The following POFUT3 variants were observed in gnomAD, a reference collection of about 807,000 sequenced individuals.
The protein encoded by POFUT3 is GDP-fucose protein O-fucosyltransferase 3.
At chr8:33,314,946 T>C in the POFUT3 span, among the ~76,000 whole-genome samples, 2 of 152,144 alleles carry the variant, frequency 1.3e-5, no homozygotes, top group Non-Finnish European at 2.9e-5. Flanking sequence ...GATGCACAAA[T>C]TGTAATGTTC....
the POFUT3 span, among the ~76,000 whole-genome samples, chr8:33,382,588 TGGTGGCGC>T: frequency 6.6e-6 from 1 of 152,134 alleles, no homozygotes; most frequent in African/African-American, 2.4e-5. Flanking sequence ...CTGCAGAATT[TGGTGGCGC>T]ACAGAACTCT....
the POFUT3 span, among the ~76,000 whole-genome samples, chr8:33,331,832 C>G: frequency 6.6e-6 from 1 of 151,894 alleles, no homozygotes. Context: ...CCCGCCACCA[C>G]GCCCGGCTAA....
the POFUT3 span, among the ~76,000 whole-genome samples, chr8:33,396,555 C>G: frequency 2.0e-5 from 3 of 152,134 alleles, no homozygotes; most frequent in African/African-American, 7.2e-5. Context: ...CTTCTATTTT[C>G]CCTTCTCTTC....
At chr8:33,397,508 A>C in the POFUT3 span, among the ~76,000 whole-genome samples, 1 of 152,176 alleles carries the variant, frequency 6.6e-6, no homozygotes, top group African/African-American at 2.4e-5. Context: ...TATCACTGAA[A>C]ACAGAGGAGG....
chr8:33,406,670 A>G, the POFUT3 span, among the ~76,000 whole-genome samples: 2 of 151,900 alleles, frequency 1.3e-5, no homozygotes, highest in Admixed American at 6.6e-5. Context: ...CTGCGCTCAA[A>G]CAATCCTGCC....
the POFUT3 span, among the ~76,000 whole-genome samples, chr8:33,384,045 A>G: frequency 6.6e-6 from 1 of 152,098 alleles, no homozygotes; most frequent in Non-Finnish European, 1.5e-5. Flanking sequence ...TGAAACTGGT[A>G]TCTACACAGG....
chr8:33,386,325 C>A, the POFUT3 span, among the ~76,000 whole-genome samples: 1 of 152,008 alleles, frequency 6.6e-6, no homozygotes, highest in Admixed American at 6.6e-5. Flanking sequence ...GCAAGCAAAG[C>A]CTCCTAATCA....
chr8:33,356,479 A>G, the POFUT3 span, among the ~76,000 whole-genome samples: 1 of 151,230 alleles, frequency 6.6e-6, no homozygotes, highest in South Asian at 2.1e-4. Context: ...TCTTTTGAGA[A>G]GTGTCTGTTC....
the POFUT3 span, among the ~76,000 whole-genome samples, chr8:33,359,807 A>C: frequency 6.6e-6 from 1 of 151,974 alleles, no homozygotes; most frequent in Non-Finnish European, 1.5e-5. Flanking sequence ...GGAGTTTGAG[A>C]CCAGCCTGGC....
At chr8:33,354,078 G>T in the POFUT3 span, among the ~76,000 whole-genome samples, 1 of 151,852 alleles carries the variant, frequency 6.6e-6, no homozygotes, top group East Asian at 1.9e-4. Context: ...CTCACCTCCC[G>T]CCGACTTTTT....
the POFUT3 span, among the ~76,000 whole-genome samples, chr8:33,356,899 G>A: frequency 3.3e-5 from 5 of 152,116 alleles, no homozygotes; most frequent in Non-Finnish European, 5.9e-5. Flanking sequence ...TGGCTAGCCA[G>A]TTTTCCCAGC....
At chr8:33,433,550 T>C in the POFUT3 span, among the ~76,000 whole-genome samples, 1 of 151,048 alleles carries the variant, frequency 6.6e-6, no homozygotes, top group African/African-American at 2.4e-5. Flanking sequence ...AGGCAGAGTT[T>C]GCAGTGAGGG....
the POFUT3 span, among the ~76,000 whole-genome samples, chr8:33,379,834 TAA>T: frequency 2.3e-4 from 16 of 71,064 alleles, no homozygotes; most frequent in African/African-American, 9.7e-4. Context: ...AGACTCTGTC[TAA>T]AAAAAAAAAA....
the POFUT3 span, among the ~76,000 whole-genome samples, chr8:33,442,192 C>A: frequency 2.0e-5 from 3 of 152,184 alleles, no homozygotes; most frequent in East Asian, 5.8e-4. Flanking sequence ...ATCTCGAACT[C>A]CTGACCTTGT....
chr8:33,357,229 G>T, the POFUT3 span, among the ~76,000 whole-genome samples: 6 of 152,134 alleles, frequency 3.9e-5, no homozygotes, highest in Admixed American at 2.0e-4. Flanking sequence ...GTAGCTTGAT[G>T]GGGATGGCAC....
At chr8:33,433,609 C>G in the POFUT3 span, among the ~76,000 whole-genome samples, 1 of 86,438 alleles carries the variant, frequency 1.2e-5, no homozygotes, top group African/African-American at 5.6e-5. Flanking sequence ...GAGACTTCGT[C>G]TCAAAAAAAA....
At chr8:33,380,089 ATATATATACAC>A in the POFUT3 span, among the ~76,000 whole-genome samples, 4 of 57,166 alleles carry the variant, frequency 7.0e-5, 1 homozygote, top group African/African-American at 3.5e-4. Flanking sequence ...TATATATACT[ATATATATACAC>A]TATATATATA....
the POFUT3 span, among the ~76,000 whole-genome samples, chr8:33,374,289 A>T: frequency 2.7e-4 from 41 of 152,316 alleles, no homozygotes; most frequent in African/African-American, 7.5e-4. Flanking sequence ...CCCTAATAGG[A>T]TGCAATGAGA....
the POFUT3 span, among the ~76,000 whole-genome samples, chr8:33,309,154 AAAAAAAAAAAAAAATAT>A: frequency 9.1e-5 from 4 of 43,728 alleles, no homozygotes; most frequent in Non-Finnish European, 1.5e-4. Flanking sequence ...AAAAAAAAAA[AAAAAAAAAAAAAAATAT>A]ATATATATAT....
Sources: gnomAD v4.1 joint callset for allele counts (sites outside exome capture counted in the v4.1 genomes callset) on GRCh38, gnomAD v4.1.1 for gene constraint, MANE v1.5 for transcripts, NCBI Gene and HGNC (gene_info 2026-07-23, HGNC 2026-07-21) for gene names.